The following KANK3 variants were observed in gnomAD, a reference collection of about 807,000 sequenced individuals.
KANK3 encodes KN motif and ankyrin repeat domain-containing protein 3.
In KANK3, 61 loss-of-function variants were observed where a neutral mutation model predicts 65.4. The observed-to-expected ratio is 0.93, with a 90% CI of 0.76 to 1.15. KANK3 has a LOEUF of 1.15. KANK3 is among the 50% of genes most tolerant of loss of function. The pLI is 0.00. For missense variants in KANK3, 1,187 were observed against 1,178.8 expected (o/e 1.01, Z -0.10); for synonymous variants, 586 against 543.3 (o/e 1.08, Z -1.09).
intron 7 of KANK3, among the ~76,000 whole-genome samples, chr19:8,329,170 CAAAA>C (rs35053290): frequency 2.2e-5 from 2 of 90,194 alleles, no homozygotes; most frequent in African/African-American, 8.7e-5. Context: ...GACTCCATCT[CAAAA>C]AAAAAAAAAA....
Position 8,333,700 on chromosome 19 carries a change from G to T in KANK3, c.1719+24C>A. ...TTGGAGGCTCCCACGCCACTCCCTG[G>T]TGCTGCGCTCCCGGGGCACTCACGC... On this transcript the variant is annotated intron_variant, in intron 6 of 10. Transcript: ENST00000330915. This position sits in a 1 kb window ranked among gnomAD's most constrained non-coding sequence, Gnocchi z 5.0. 2 of 1,440,508 alleles carry T rather than the reference G, an allele frequency of 1.4e-6. No individual in the cohort carries two copies. The highest frequency in any genetic ancestry group is 1.8e-6 in the Non-Finnish European group (2 of 1,095,528). The allele number at this position is 1,440,508 out of a possible 1,614,324, so 89.2% of individuals were successfully genotyped here. A position where few individuals can be genotyped will look rare whatever the true frequency, so the allele number is the denominator to read the frequency against.
Position 8,327,900 on chromosome 19 carries a change from G to T in KANK3, c.1937-2804C>A, listed in dbSNP as rs1473496187. On this transcript the variant is annotated intron_variant, in intron 7 of 10. Coordinates refer to ENST00000330915, the MANE Select transcript of KANK3 (RefSeq NM_198471.3). ...GAGCACCCAGAAATAACCAGAGTGGGGTCCTTGCAGGCTAGCCAAGGACCC... is the reference window on the plus strand; with the variant it reads ...GAGCACCCAGAAATAACCAGAGTGGTGTCCTTGCAGGCTAGCCAAGGACCC... 2.0e-5 allele frequency among the ~76,000 whole-genome samples: 3 copies of T among 152,254 alleles called. No homozygotes were observed. The East Asian group carries it at 5.8e-4, about 29-fold the overall frequency.
At chr19:8,329,933 G>T (rs1351990136) in intron 7 of KANK3, among the ~76,000 whole-genome samples, 1 of 152,234 alleles carries the variant, frequency 6.6e-6, no homozygotes, top group Non-Finnish European at 1.5e-5. Flanking sequence ...GGTAACCAGT[G>T]CACAGTGGAC....
chr19:8,327,118 G>A (rs1181896220), intron 7 of KANK3, among the ~76,000 whole-genome samples: 1 of 152,124 alleles, frequency 6.6e-6, no homozygotes, highest in African/African-American at 2.4e-5. Flanking sequence ...TTGGGGAAAG[G>A]AGCGGGGTCG....
chr19:8,337,924 A>C, intron 1 of KANK3, 68 bp from the exon 2 acceptor site: 2 of 1,577,738 alleles, frequency 1.3e-6, no homozygotes, highest in Non-Finnish European at 1.7e-6. Flanking sequence ...CCTGCCTTTG[A>C]GTCTAAGCAA....
rs1393928848 is a variant in KANK3 at position 8,324,441 on chromosome 19, G to A, written c.2382+8C>T. 11 of 1,589,748 alleles carry A rather than the reference G, an allele frequency of 6.9e-6. No homozygotes were observed. The highest frequency in any genetic ancestry group is 9.4e-6 in the Non-Finnish European group (11 of 1,167,920). On this transcript the variant is annotated splice_region_variant and intron_variant, in intron 10 of 10. Coordinates refer to ENST00000330915, the MANE Select transcript of KANK3 (RefSeq NM_198471.3). ...GGGAAAGTTTGTTTCTTCCAGAGCT[G>A]TGCTCACCTGGGTGTCGGGCTGGCC...
At chr19:8,331,221 G>C (rs532228320) in intron 7 of KANK3, among the ~76,000 whole-genome samples, 5 of 62,254 alleles carry the variant, frequency 8.0e-5, no homozygotes, top group Admixed American at 3.6e-4. Context: ...AAAAGGGGTG[G>C]GGGGGGGATT....
chr19:8,336,756 AG>A (rs67553257), intron 2 of KANK3, among the ~76,000 whole-genome samples: 3 of 149,450 alleles, frequency 2.0e-5, no homozygotes, highest in Admixed American at 6.7e-5. Flanking sequence ...AAAAAAAAAA[AG>A]GTTGGCGAGG....
intron 10 of KANK3, among the ~76,000 whole-genome samples, chr19:8,323,917 C>T (rs755664027): frequency 4.6e-5 from 7 of 152,182 alleles, no homozygotes; most frequent in Non-Finnish European, 7.4e-5. Flanking sequence ...AGTTCTGAAG[C>T]TCTGGACCCC....
intron 7 of KANK3, among the ~76,000 whole-genome samples, chr19:8,326,660 G>T (rs1970434641): frequency 6.6e-6 from 1 of 151,286 alleles, no homozygotes; most frequent in African/African-American, 2.4e-5. Flanking sequence ...AGTCGGGTGT[G>T]GTGGTGGGTG....
At chr19:8,330,935 T>C (rs544069673) in intron 7 of KANK3, among the ~76,000 whole-genome samples, 42 of 149,764 alleles carry the variant, frequency 2.8e-4, no homozygotes, top group South Asian at 8.5e-4. Context: ...AAGCGGCTAA[T>C]GCTTGTAATC....
chr19:8,336,296 C>T (rs957647218), intron 2 of KANK3, among the ~76,000 whole-genome samples: 1 of 151,892 alleles, frequency 6.6e-6, no homozygotes, highest in South Asian at 2.1e-4. Context: ...ATTAGCTGGG[C>T]GGTAGTGGCG....
At position 8,333,506 on chromosome 19, in the gene KANK3, C is replaced by T. The variant is rs1043639173; in HGVS notation, c.1719+218G>A. Among the ~76,000 whole-genome samples the T allele has an allele frequency of 2.0e-5, 3 of 152,116 alleles. No individual in the cohort carries two copies. Among genetic ancestry groups the T allele is most frequent in the African/African-American group, 7.2e-5 (3 of 41,442 alleles). On this transcript the variant is annotated intron_variant, in intron 6 of 10. Coordinates refer to ENST00000330915, the MANE Select transcript of KANK3 (RefSeq NM_198471.3). The surrounding 1 kb of genome is among the most constrained non-coding windows in gnomAD (Gnocchi z 5.0). ...ACGGGGAAAGGCAATGAACGCTTGC[C>T]CTTGGGGAGTCCGGGAGTGGGGCTG...
chr19:8,328,786 G>GTT (rs745934169), intron 7 of KANK3, among the ~76,000 whole-genome samples: 3 of 152,082 alleles, frequency 2.0e-5, no homozygotes, highest in Non-Finnish European at 2.9e-5. Context: ...TGGGGCTGAT[G>GTT]TTATACCTGT....
At position 8,322,762 on chromosome 19, in the gene KANK3, C is replaced by T. The variant is rs1273146947; in HGVS notation, c.*77G>A. ...GCCTCTGAGCAGGGGACCCTGGACC[C>T]TTCTGTGCGCCAAAGGCTGAGGTGA... On this transcript the variant is annotated 3_prime_UTR_variant, in exon 11 of 11. Coordinates refer to ENST00000330915, the MANE Select transcript of KANK3 (RefSeq NM_198471.3). 1.2e-5 allele frequency: 14 copies of T among 1,142,254 alleles called. No homozygotes were observed. Among genetic ancestry groups the T allele is most frequent in the South Asian group, 2.7e-5 (2 of 75,150 alleles). The allele number at this position is 1,142,254 out of a possible 1,614,324, so 70.8% of individuals were successfully genotyped here.
At chr19:8,332,987 T>TGTGGGGGCC in intron 7 of KANK3, 27 bp downstream of exon 7, 1 of 395,198 alleles carries the variant, frequency 2.5e-6, no homozygotes. Context: ...TTTCCTGGTG[T>TGTGGGGGCC]CCCACCCACC....
intron 7 of KANK3, among the ~76,000 whole-genome samples, chr19:8,329,492 C>CAAAA (rs59607185): frequency 5.1e-4 from 26 of 51,124 alleles, no homozygotes; most frequent in African/African-American, 1.2e-3. Context: ...GACTCGGCCT[C>CAAAA]AAAAAAAAAA....
rs544796310 is a variant in KANK3 at position 8,342,653 on chromosome 19, C to G, written c.-29+572G>C. 3.0e-3 allele frequency among the ~76,000 whole-genome samples: 422 copies of G among 141,076 alleles called. 2 individuals carry two copies. Among genetic ancestry groups the G allele is most frequent in the African/African-American group, 0.01 (413 of 39,610 alleles). The allele number at this position is 141,076 out of a possible 152,430, so 92.6% of individuals were successfully genotyped here. ...CCTGAGTACTGGCAGCCCCTGATGT[C>G]TGCTGGGACTCTCAGACTCTTGAGG... is the stretch of plus-strand genomic sequence containing the variant. On this transcript the variant is annotated intron_variant, in intron 1 of 10. Coordinates refer to ENST00000330915, the MANE Select transcript of KANK3 (RefSeq NM_198471.3).
rs772335022 is a variant in KANK3 at position 8,322,792 on chromosome 19, CGAG to C, written c.*44_*46del. The C allele has an allele frequency of 3.3e-5, 47 of 1,418,810 alleles. No individual in the cohort carries two copies. The highest frequency in any genetic ancestry group is 4.2e-5 in the Non-Finnish European group (42 of 1,008,250). The allele number at this position is 1,418,810 out of a possible 1,614,324, so 87.9% of individuals were successfully genotyped here. The stretch of plus-strand genomic sequence containing the variant: ...GTGCGCCAAAGGCTGAGGTGACTGA[CGAG>C]GAGATCTCCCCACAGCTAGGTGTAG... On this transcript the variant is annotated 3_prime_UTR_variant, in exon 11 of 11. Transcript: ENST00000330915.
Sources: allele counts gnomAD v4.1 joint callset (sites outside exome capture counted in the v4.1 genomes callset), GRCh38; gene constraint gnomAD v4.1.1; non-coding constraint Gnocchi (gnomAD v3.1); transcripts MANE v1.5; gene names NCBI Gene and HGNC (gene_info 2026-07-23, HGNC 2026-07-21).